Variants in PPP4R1 observed in about 807,000 individuals in gnomAD.
PPP4R1 encodes the protein serine/threonine-protein phosphatase 4 regulatory subunit 1.
Under a neutral mutation model 111.2 loss-of-function variants are expected in PPP4R1, and 42 were observed. The ratio of observed to expected loss-of-function variants is 0.38; its 90% CI spans 0.29 to 0.49. PPP4R1 has a LOEUF of 0.49. Among genes scored for constraint, PPP4R1 ranks in the 20% least tolerant of loss-of-function variants. PPP4R1 has a pLI of 0.97. For missense variants in PPP4R1, 1,012 were observed against 1,161.6 expected (o/e 0.87, Z 1.87); for synonymous variants, 409 against 405.5 (o/e 1.01, Z -0.10).
chr18:9,602,815 T>C (rs1243625132), intron 2 of PPP4R1, among the ~76,000 whole-genome samples: 3 of 109,262 alleles, frequency 2.7e-5, no homozygotes, highest in African/African-American at 1.5e-4. Flanking sequence ...ACTGAGACAC[T>C]GTCTCAAAAA....
At chr18:9,584,958 C>T in intron 6 of PPP4R1, 130 bp from the exon 7 acceptor site, 1 of 651,032 alleles carries the variant, frequency 1.5e-6, no homozygotes, top group African/African-American at 1.8e-5. Flanking sequence ...ATATACATGA[C>T]AGAAAACATT....
At chr18:9,549,057 C>T (rs919490294) in intron 19 of PPP4R1, 140 bp downstream of exon 19, 37 of 1,098,074 alleles carry the variant, frequency 3.4e-5, no homozygotes, top group South Asian at 1.8e-4. Flanking sequence ...GGAGAATCAC[C>T]GGAACAACTA....
chr18:9,548,299 G>GA (rs202088749), intron 19 of PPP4R1, among the ~76,000 whole-genome samples: 2 of 149,406 alleles, frequency 1.3e-5, no homozygotes, highest in Non-Finnish European at 1.5e-5. Flanking sequence ...AAAAAAAGGA[G>GA]AAAAAAAAAT....
intron 2 of PPP4R1, among the ~76,000 whole-genome samples, chr18:9,604,869 A>G (rs2067452291): frequency 6.6e-6 from 1 of 152,228 alleles, no homozygotes; most frequent in South Asian, 2.1e-4. Flanking sequence ...TTTGTTAATG[A>G]AAATGTAGTC....
intron 4 of PPP4R1, among the ~76,000 whole-genome samples, chr18:9,589,150 T>C (rs1380954198): frequency 6.6e-6 from 1 of 152,200 alleles, no homozygotes; most frequent in Non-Finnish European, 1.5e-5. Flanking sequence ...CACACTGTGC[T>C]AGGGGTTAAA....
chr18:9,581,698 G>GT (rs1473948932), intron 9 of PPP4R1, among the ~76,000 whole-genome samples: 1 of 152,098 alleles, frequency 6.6e-6, no homozygotes, highest in Non-Finnish European at 1.5e-5. Flanking sequence ...ATTGAAAAAC[G>GT]TAACTTACAT....
chr18:9,572,824 A>T (rs1285806546), intron 10 of PPP4R1, among the ~76,000 whole-genome samples: 1 of 152,264 alleles, frequency 6.6e-6, no homozygotes, highest in Non-Finnish European at 1.5e-5. Flanking sequence ...AACATAACAC[A>T]TTGTGACTGC....
chr18:9,549,778 C>T (rs1225366176), intron 18 of PPP4R1: 15 of 557,356 alleles, frequency 2.7e-5, no homozygotes, highest in East Asian at 2.4e-4. Context: ...GAGCAGAACA[C>T]GCACATACCA....
At chr18:9,551,991 T>C (rs1048987143) in intron 16 of PPP4R1, 1 of 152,442 alleles carries the variant, frequency 6.6e-6, no homozygotes, top group African/African-American at 2.4e-5. Context: ...CCTGACTAGA[T>C]GGACTCACAC....
Position 9,570,182 on chromosome 18 carries a change from G to C in PPP4R1, c.1548C>G (p.Pro516=). The C allele has an allele frequency of 1.3e-6, 2 of 1,529,232 alleles. No individual in the cohort carries two copies. The highest frequency in any genetic ancestry group is 1.8e-6 in the Non-Finnish European group (2 of 1,139,574). 94.7% of individuals were successfully genotyped at this position (1,529,232 alleles called of 1,614,324 possible). ...CTTTAACATCTGGATCATCAATGTG[G>C]GGCTCTAGATTTTCTATCATTTCTT... ...ELEEMIENLE[P]HIDDPDVKAQ... The change falls in exon 11 of 20, where the codon CCC becomes CCG. Residue 516 remains proline, a synonymous_variant. Coordinates refer to ENST00000400556, the MANE Select transcript of PPP4R1 (RefSeq NM_001042388.3).
rs1167807549 is a variant in PPP4R1 at position 9,614,539 on chromosome 18, G to T, written c.-55C>A. 4 of 1,001,040 alleles carry T rather than the reference G, an allele frequency of 4.0e-6. No homozygotes were observed. The highest frequency in any genetic ancestry group is 4.8e-6 in the Non-Finnish European group (4 of 841,228). The allele number at this position is 1,001,040 out of a possible 1,614,324, so 62.0% of individuals were successfully genotyped here. ...CCGGGGAGCCGGGGCTACATGGAGC[G>T]GCGCGAGCCGGGGAGCCGGTGGACG... On this transcript the variant is annotated 5_prime_UTR_variant, in exon 1 of 20. Coordinates refer to ENST00000400556, the MANE Select transcript of PPP4R1 (RefSeq NM_001042388.3). The surrounding 1 kb of genome is among the most constrained non-coding windows in gnomAD (Gnocchi z 4.1).
chr18:9,602,871 G>A (rs1022340358), intron 2 of PPP4R1, among the ~76,000 whole-genome samples: 5 of 151,420 alleles, frequency 3.3e-5, no homozygotes, highest in African/African-American at 1.2e-4. Context: ...TAGCAAAACC[G>A]TGTGAAAAGA....
chr18:9,572,916 G>A (rs1025041581), intron 10 of PPP4R1, among the ~76,000 whole-genome samples: 1 of 152,160 alleles, frequency 6.6e-6, no homozygotes, highest in African/African-American at 2.4e-5. Context: ...CAAGTGTGAA[G>A]AAATCAGACT....
At chr18:9,613,388 A>C (rs914523415) in intron 2 of PPP4R1, 1 of 152,238 alleles carries the variant, frequency 6.6e-6, no homozygotes, top group African/African-American at 2.4e-5. Context: ...ATCGTGACCC[A>C]AATTATTTTC....
rs1213337869 is a variant in PPP4R1, at chr18:9,605,179, G to C, written c.52+9047C>G. ...TTCCCATCTTTACATTTTAGAAAAT[G>C]AAAGACAATGAGATACACCACAGAA... On this transcript the variant is annotated intron_variant, in intron 2 of 19. Transcript: ENST00000400556. 2.6e-5 allele frequency among the ~76,000 whole-genome samples: 4 copies of C among 152,096 alleles called. No homozygotes were observed. The East Asian group carries it at 7.7e-4, about 29-fold the overall frequency.
intron 3 of PPP4R1, 43 bp from the exon 4 acceptor site, chr18:9,593,917 T>C (rs754152346): frequency 1.8e-5 from 27 of 1,470,876 alleles, no homozygotes; most frequent in Admixed American, 1.0e-4. Flanking sequence ...ATGGCATCAA[T>C]AGCTAATATC....
At chr18:9,600,168 C>A (rs2067356327) in intron 2 of PPP4R1, among the ~76,000 whole-genome samples, 1 of 141,766 alleles carries the variant, frequency 7.1e-6, no homozygotes, top group Non-Finnish European at 1.5e-5. Context: ...GGTACAGACA[C>A]TGGTGACAAA....
chr18:9,605,985 A>G (rs2067475632), intron 2 of PPP4R1, among the ~76,000 whole-genome samples: 2 of 152,228 alleles, frequency 1.3e-5, no homozygotes, highest in African/African-American at 4.8e-5. Context: ...CAAAATGTTA[A>G]CAGCTTAATT....
chr18:9,604,394 C>T (rs1357269169), intron 2 of PPP4R1, among the ~76,000 whole-genome samples: 1 of 152,124 alleles, frequency 6.6e-6, no homozygotes. Flanking sequence ...CCTGATAAGC[C>T]TCCCAGGCAG....
Sources: allele counts gnomAD v4.1 joint callset (sites outside exome capture counted in the v4.1 genomes callset), GRCh38; gene constraint gnomAD v4.1.1; non-coding constraint Gnocchi (gnomAD v3.1); transcripts MANE v1.5; gene names NCBI Gene and HGNC (gene_info 2026-07-23, HGNC 2026-07-21).